Variants in DGKB observed in about 807,000 individuals in gnomAD.
DGKB encodes the protein 90 kDa diacylglycerol kinase.
DGKB carries 67 observed loss-of-function variants against 114.3 expected under a neutral mutation model. That is an observed-to-expected ratio of 0.59 (90% CI 0.48 to 0.72). The LOEUF (loss-of-function observed/expected upper bound fraction) is 0.72, where lower values mean the gene tolerates loss of function less well. DGKB is among the 30% of genes least tolerant of loss of function. The probability of loss-of-function intolerance (pLI) is 0.00; values close to 1 mark genes in which losing one functional copy is unlikely to be tolerated. For synonymous variants in DGKB, 398 were observed against 323.1 expected (o/e 1.23, Z -2.49); for missense variants, 907 against 975.2 (o/e 0.93, Z 0.93).
intron 20 of DGKB, among the ~76,000 whole-genome samples, chr7:14,535,378 G>GAAAAAAAAAAAAAAAAA (rs111762380): frequency 8.1e-6 from 1 of 123,588 alleles, no homozygotes; most frequent in African/African-American, 2.9e-5. Context: ...CTTAAAAAAA[G>GAAAAAAAAAAAAAAAAA]AAAAAAAAAA....
chr7:14,606,463 T>G (rs1476406221), intron 17 of DGKB, among the ~76,000 whole-genome samples: 1 of 152,116 alleles, frequency 6.6e-6, no homozygotes, highest in Admixed American at 6.6e-5. Flanking sequence ...AATTATACTT[T>G]ATGAATGTAT....
chr7:14,858,381 C>G (rs925592538), intron 1 of DGKB, among the ~76,000 whole-genome samples: 1 of 152,100 alleles, frequency 6.6e-6, no homozygotes, highest in Admixed American at 6.6e-5. Flanking sequence ...ACATACTTTT[C>G]TCTTACTTAT....
intron 23 of DGKB, among the ~76,000 whole-genome samples, chr7:14,303,639 T>C (rs2128492049): frequency 6.6e-6 from 1 of 152,234 alleles, no homozygotes; most frequent in East Asian, 1.9e-4. Context: ...ATGCATCTAA[T>C]GAATCATGGC....
At chr7:14,733,766 A>G (rs866268002) in intron 5 of DGKB, among the ~76,000 whole-genome samples, 5 of 87,492 alleles carry the variant, frequency 5.7e-5, no homozygotes, top group South Asian at 4.1e-4. Flanking sequence ...AGAAAGAAAG[A>G]AAGAAAGAAA....
At chr7:14,158,137 C>T (rs1339944141) in intron 25 of DGKB, among the ~76,000 whole-genome samples, 1 of 152,218 alleles carries the variant, frequency 6.6e-6, no homozygotes, top group Non-Finnish European at 1.5e-5. Context: ...AAGACCACTA[C>T]AAATACCAAA....
chr7:14,807,756 T>C (rs1219900107), intron 2 of DGKB, among the ~76,000 whole-genome samples: 2 of 152,012 alleles, frequency 1.3e-5, no homozygotes, highest in South Asian at 4.1e-4. Context: ...TTTTGAGTAT[T>C]ATTGCTCTTT....
intron 23 of DGKB, among the ~76,000 whole-genome samples, chr7:14,179,492 G>T (rs1448827078): frequency 6.6e-6 from 1 of 152,186 alleles, no homozygotes; most frequent in Non-Finnish European, 1.5e-5. Context: ...GGTCATATTT[G>T]AGGTCGGACT....
At chr7:14,933,891 A>C (rs772055574) in intron 1 of DGKB, among the ~76,000 whole-genome samples, 2 of 148,112 alleles carry the variant, frequency 1.4e-5, no homozygotes, top group Non-Finnish European at 3.1e-5. Flanking sequence ...CTTTTTTTTA[A>C]ATCAATTATA....
intron 13 of DGKB, among the ~76,000 whole-genome samples, chr7:14,669,677 T>C (rs1818628466): frequency 2.0e-5 from 3 of 152,188 alleles, no homozygotes; most frequent in Non-Finnish European, 4.4e-5. Context: ...TAAACAAAAA[T>C]TATCAAAGTC....
intron 5 of DGKB, among the ~76,000 whole-genome samples, chr7:14,725,813 G>T (rs1197256626): frequency 1.3e-5 from 2 of 152,098 alleles, no homozygotes; most frequent in African/African-American, 4.8e-5. Context: ...CTCCCAAAGT[G>T]CTGGGATTAC....
At chr7:14,725,542 A>G (rs1829892834) in intron 5 of DGKB, among the ~76,000 whole-genome samples, 1 of 152,072 alleles carries the variant, frequency 6.6e-6, no homozygotes, top group Non-Finnish European at 1.5e-5. Flanking sequence ...TCTTTAAAAC[A>G]AAAAGGATAT....
At chr7:14,293,459 A>G (rs889014473) in intron 23 of DGKB, among the ~76,000 whole-genome samples, 2 of 152,182 alleles carry the variant, frequency 1.3e-5, no homozygotes, top group Admixed American at 1.3e-4. Context: ...TGTCTGATTT[A>G]TTCTCCATAT....
chr7:14,719,584 G>C (rs1828806901), intron 5 of DGKB, among the ~76,000 whole-genome samples: 1 of 151,672 alleles, frequency 6.6e-6, no homozygotes, highest in Admixed American at 6.6e-5. Flanking sequence ...AATCAACCAG[G>C]AGCTACTGTA....
At chr7:14,861,707 G>A (rs1851004450) in intron 1 of DGKB, among the ~76,000 whole-genome samples, 1 of 151,848 alleles carries the variant, frequency 6.6e-6, no homozygotes, top group African/African-American at 2.4e-5. Flanking sequence ...TTACCGTGAT[G>A]AAATCATACT....
At chr7:14,464,339 G>A (rs1464983497) in intron 21 of DGKB, among the ~76,000 whole-genome samples, 1 of 152,052 alleles carries the variant, frequency 6.6e-6, no homozygotes, top group African/African-American at 2.4e-5. Flanking sequence ...AATTCCAAAT[G>A]ACTTTTGTAA....
intron 6 of DGKB, among the ~76,000 whole-genome samples, chr7:14,711,435 T>G (rs753920440): frequency 1.3e-5 from 2 of 152,224 alleles, no homozygotes; most frequent in African/African-American, 4.8e-5. Context: ...TAATTTAAAA[T>G]TGTAGCTAGG....
intron 2 of DGKB, among the ~76,000 whole-genome samples, chr7:14,817,768 T>C (rs934772925): frequency 3.9e-5 from 6 of 152,216 alleles, no homozygotes; most frequent in Admixed American, 3.9e-4. Flanking sequence ...GTCTACTTAG[T>C]GTCTATTTCC....
rs185640673 is a variant in DGKB at position 14,524,217 on chromosome 7, T to A, written c.1771-45992A>T. ...ATTTCTTAGATGATACACCAAGAGTTTAAATTTGAAAAAAAAATCTACTGC... is the reference window on the plus strand; with the variant it reads ...ATTTCTTAGATGATACACCAAGAGTATAAATTTGAAAAAAAAATCTACTGC... On this transcript the variant is annotated intron_variant, in intron 20 of 25. Coordinates refer to ENST00000402815, the MANE Select transcript of DGKB (RefSeq NM_001350709.2). Among the ~76,000 whole-genome samples the A allele has an allele frequency of 1.6e-3, 239 of 152,250 alleles. 2 individuals are homozygous for A. The highest frequency in any genetic ancestry group is 5.6e-3 in the African/African-American group (232 of 41,558).
At chr7:14,605,687 G>A (rs1171931310) in intron 17 of DGKB, among the ~76,000 whole-genome samples, 1 of 151,970 alleles carries the variant, frequency 6.6e-6, no homozygotes, top group Non-Finnish European at 1.5e-5. Context: ...TTAAAGTGTA[G>A]TAGGAAAAAA....
Sources: allele counts gnomAD v4.1 joint callset (sites outside exome capture counted in the v4.1 genomes callset), GRCh38; gene constraint gnomAD v4.1.1; transcripts MANE v1.5; gene names NCBI Gene and HGNC (gene_info 2026-07-23, HGNC 2026-07-21).